The following SLC30A8 variants were observed in gnomAD, a reference collection of about 807,000 sequenced individuals.
SLC30A8 encodes the protein solute carrier family 30 member 8, also known as proton-coupled zinc antiporter SLC30A8.
Under a neutral mutation model 36.9 loss-of-function variants are expected in SLC30A8, and 27 were observed. The ratio of observed to expected loss-of-function variants is 0.73; its 90% CI spans 0.54 to 1.01. The LOEUF is 1.01. Among genes scored for constraint, SLC30A8 ranks in the 50% least tolerant of loss-of-function variants. The pLI, the probability that SLC30A8 is intolerant of heterozygous loss-of-function variation, is 0.00. For synonymous variants in SLC30A8, 164 were observed against 172.4 expected (o/e 0.95, Z 0.38); for missense variants, 439 against 452.0 (o/e 0.97, Z 0.26).
At chr8:117,037,959 G>A (rs1032610197) in intron 1 of SLC30A8, among the ~76,000 whole-genome samples, 1 of 152,138 alleles carries the variant, frequency 6.6e-6, no homozygotes, top group Non-Finnish European at 1.5e-5. Flanking sequence ...CTTAATAATT[G>A]AATTCACTGC....
chr8:116,995,702 T>A (rs1171111724), intron 1 of SLC30A8, among the ~76,000 whole-genome samples: 1 of 151,430 alleles, frequency 6.6e-6, no homozygotes, highest in Non-Finnish European at 1.5e-5. Context: ...AATAGAAGAG[T>A]CTCTAATAAG....
chr8:117,041,354 G>C (rs186782954), intron 2 of SLC30A8, among the ~76,000 whole-genome samples: 1 of 152,160 alleles, frequency 6.6e-6, no homozygotes, highest in Non-Finnish European at 1.5e-5. Flanking sequence ...GTTGAAAAAG[G>C]AATTTGTATG....
intron 2 of SLC30A8, among the ~76,000 whole-genome samples, chr8:117,072,329 A>G (rs1360793853): frequency 6.6e-6 from 1 of 152,204 alleles, no homozygotes; most frequent in Non-Finnish European, 1.5e-5. Context: ...GTATATATCC[A>G]TAAAAGATAT....
At chr8:117,147,755 C>T (rs1427581350) in intron 2 of SLC30A8, 1 of 152,490 alleles carries the variant, frequency 6.6e-6, no homozygotes, top group Non-Finnish European at 1.5e-5. Flanking sequence ...ACCAGCTCTA[C>T]TTGAGAATGA....
At chr8:116,994,531 A>G (rs1161443753) in intron 1 of SLC30A8, among the ~76,000 whole-genome samples, 1 of 152,128 alleles carries the variant, frequency 6.6e-6, no homozygotes, top group African/African-American at 2.4e-5. Flanking sequence ...AAAGAAGACA[A>G]CATACAGTTC....
At chr8:117,147,217 G>C (rs1821942401) in intron 2 of SLC30A8, 64 bp downstream of exon 2, 1 of 1,390,296 alleles carries the variant, frequency 7.2e-7, no homozygotes, top group Non-Finnish European at 1.0e-6. Context: ...ATTATGGGAG[G>C]GTTACCTAAG....
intron 2 of SLC30A8, among the ~76,000 whole-genome samples, chr8:117,108,561 A>T (rs1820093671): frequency 6.6e-6 from 1 of 152,108 alleles, no homozygotes; most frequent in Non-Finnish European, 1.5e-5. Flanking sequence ...TCTTATAACG[A>T]TCCTAAAAAA....
chr8:117,130,754 G>A (rs1193707117), upstream of SLC30A8, among the ~76,000 whole-genome samples: 1 of 151,956 alleles, frequency 6.6e-6, no homozygotes, highest in Non-Finnish European at 1.5e-5. Context: ...TTTGGAGTTT[G>A]TAAGAAATAA....
intron 1 of SLC30A8, among the ~76,000 whole-genome samples, chr8:117,146,507 T>TATG (rs1235697691): frequency 6.6e-6 from 1 of 152,198 alleles, no homozygotes; most frequent in East Asian, 1.9e-4. Flanking sequence ...GAAACAGTGC[T>TATG]ATGATCTGTC....
intron 2 of SLC30A8, chr8:117,055,986 CA>C (rs1817857814): frequency 6.6e-6 from 1 of 152,116 alleles, no homozygotes; most frequent in Admixed American, 6.5e-5. Flanking sequence ...ATCTGGAAAG[CA>C]AGCAACAAAT....
At chr8:117,052,909 CT>C (rs35990196) in intron 2 of SLC30A8, among the ~76,000 whole-genome samples, 98 of 143,444 alleles carry the variant, frequency 6.8e-4, no homozygotes, top group Middle Eastern at 3.6e-3. Flanking sequence ...CCTTTTTTTT[CT>C]TTTTTTTTTT....
intron 1 of SLC30A8, among the ~76,000 whole-genome samples, chr8:117,142,435 A>C (rs907966542): frequency 3.9e-5 from 6 of 152,054 alleles, no homozygotes; most frequent in Non-Finnish European, 8.8e-5. Flanking sequence ...AAACTTTCCA[A>C]ATTTTTCCTT....
At chr8:117,031,207 A>G (rs1341698440) in intron 1 of SLC30A8, among the ~76,000 whole-genome samples, 5 of 149,902 alleles carry the variant, frequency 3.3e-5, no homozygotes, top group African/African-American at 1.3e-4. Context: ...ATTCGATACT[A>G]TATTTTGTAT....
rs1480790025 is a variant in SLC30A8 at position 117,167,504 on chromosome 8, TG to T, written c.830-3529del. ...GCATATATATATATACATACATACA[TG>T]TATATGTATATGTGTATGTGATGTA... On this transcript the variant is annotated intron_variant, in intron 6 of 7. Coordinates refer to ENST00000456015, the MANE Select transcript of SLC30A8 (RefSeq NM_173851.3). Among the ~76,000 whole-genome samples the T allele has an allele frequency of 2.8e-5, 4 of 142,256 alleles. No homozygotes were observed. In the East Asian group the frequency reaches 8.6e-4, roughly 31 times the overall value. 93.3% of individuals were successfully genotyped at this position (142,256 alleles called of 152,430 possible).
chr8:117,142,653 A>T (rs1328227159), intron 1 of SLC30A8, among the ~76,000 whole-genome samples: 2 of 152,122 alleles, frequency 1.3e-5, no homozygotes, highest in East Asian at 3.9e-4. Flanking sequence ...TACTTGGGAT[A>T]GCCTTCACTC....
At chr8:116,955,940 T>G (rs559442320) in intron 1 of SLC30A8, among the ~76,000 whole-genome samples, 2 of 152,258 alleles carry the variant, frequency 1.3e-5, no homozygotes, top group African/African-American at 4.8e-5. Flanking sequence ...TGTGGCAATT[T>G]GTTATGGCAT....
intron 2 of SLC30A8, among the ~76,000 whole-genome samples, chr8:117,062,131 T>C (rs1379895012): frequency 6.6e-6 from 1 of 152,108 alleles, no homozygotes; most frequent in East Asian, 1.9e-4. Flanking sequence ...GAGGTAGATG[T>C]TGAGACTAAG....
At position 117,153,084 on chromosome 8, in the gene SLC30A8, C is replaced by T. The variant is rs200185429; in HGVS notation, c.412C>T (p.Arg138Ter). 1.4e-4 allele frequency: 224 copies of T among 1,606,122 alleles called. No individual in the cohort carries two copies. Among genetic ancestry groups the T allele is most frequent in the South Asian group, 7.4e-4 (66 of 89,794 alleles). Residue 138 changes from arginine to a stop codon, truncating the protein, a stop_gained, in exon 3 of 8, where the codon CGA (arginine) becomes TGA (stop). Coordinates refer to ENST00000456015, the MANE Select transcript of SLC30A8 (RefSeq NM_173851.3). LOFTEE classifies it high-confidence loss of function. ...TAAGCGGCTGACATTTGGATGGCAC[C>T]GAGCAGGTACGGTTCATAGAGTGAG... is the stretch of plus-strand genomic sequence containing the variant. ...PSKRLTFGWH[R>*]AEILGALLSI...
At chr8:117,145,058 G>A (rs1433929408) in intron 1 of SLC30A8, among the ~76,000 whole-genome samples, 1 of 152,058 alleles carries the variant, frequency 6.6e-6, no homozygotes, top group Non-Finnish European at 1.5e-5. Flanking sequence ...CACTACCATG[G>A]GGAAGATCAG....
Sources: allele counts gnomAD v4.1 joint callset (sites outside exome capture counted in the v4.1 genomes callset), GRCh38; gene constraint gnomAD v4.1.1; transcripts MANE v1.5; gene names NCBI Gene and HGNC (gene_info 2026-07-23, HGNC 2026-07-21).